Variants in JADE2 observed in about 807,000 individuals in gnomAD.
JADE2 encodes the protein jade family PHD finger 2.
A neutral mutation model predicts 85.7 loss-of-function variants in JADE2; 13 were observed. The observed-to-expected ratio is 0.15, with a 90% CI of 0.10 to 0.24. The LOEUF is 0.24. Ranked by LOEUF, JADE2 falls within the 10% of genes least tolerant of loss-of-function variation. JADE2 has a pLI of 1.00. For missense variants in JADE2, 846 were observed against 1,115.9 expected (o/e 0.76, Z 3.45); for synonymous variants, 440 against 456.1 (o/e 0.96, Z 0.45).
At chr5:134,573,114 C>T (rs557885848) in intron 9 of JADE2, among the ~76,000 whole-genome samples, 16 of 152,362 alleles carry the variant, frequency 1.1e-4, no homozygotes, top group African/African-American at 2.4e-4. Context: ...CTGCAAGTAC[C>T]GGGGCCATTT....
At chr5:134,531,485 C>T (rs915001498) in intron 1 of JADE2, among the ~76,000 whole-genome samples, 28 of 152,114 alleles carry the variant, frequency 1.8e-4, no homozygotes, top group African/African-American at 6.8e-4. Flanking sequence ...CTGTGTTGCC[C>T]GGGCTTGCCT....
chr5:134,579,205 C>G lies in JADE2; in HGVS notation c.2393C>G (p.Ser798Cys), dbSNP rs1764576891. Residue 798 changes from serine to cysteine, a missense_variant, in exon 12 of 12, where the codon TCT becomes TGT. Ser to Cys is a moderately radical substitution (Grantham distance 112). Coordinates refer to ENST00000681547, the MANE Select transcript of JADE2 (RefSeq NM_001388185.1). This position sits in a 1 kb window ranked among gnomAD's most constrained non-coding sequence, Gnocchi z 4.6. ...HFDTETDGYF[S>C]DGEMSDSDVE... ...GACACTGAGACTGATGGCTACTTCT[C>G]TGATGGGGAGATGAGCGACTCAGAT... 2.5e-6 allele frequency: 4 copies of G among 1,614,230 alleles called. No homozygotes were observed. The highest frequency in any genetic ancestry group is 3.4e-6 in the Non-Finnish European group (4 of 1,180,042).
At chr5:134,573,968 G>A in intron 10 of JADE2, 1 of 650,520 alleles carries the variant, frequency 1.5e-6, no homozygotes, top group Non-Finnish European at 2.8e-6. Flanking sequence ...ACTAGGCAGA[G>A]AGCCAGAGGT....
In JADE2 at chr5:134,579,716, C is replaced by T. The variant is rs931165231; in HGVS notation, c.*399C>T. On this transcript the variant is annotated 3_prime_UTR_variant, in exon 12 of 12. Transcript: ENST00000681547. This position sits in a 1 kb window ranked among gnomAD's most constrained non-coding sequence, Gnocchi z 4.6. ...AGATGGGCCAGTCCAGGGCCTACCC[C>T]GCCTTGCCCCCAGATCCCACTGGGG... 3.2e-5 allele frequency: 6 copies of T among 185,284 alleles called. No individual in the cohort carries two copies. Among genetic ancestry groups the T allele is most frequent in the East Asian group, 1.4e-4 (1 of 7,304 alleles). 11.5% of individuals were successfully genotyped at this position (185,284 alleles called of 1,614,324 possible).
At chr5:134,534,896 C>G (rs554384534) in intron 1 of JADE2, among the ~76,000 whole-genome samples, 1 of 152,218 alleles carries the variant, frequency 6.6e-6, no homozygotes, top group Non-Finnish European at 1.5e-5. Context: ...GCAGGCTCTG[C>G]CACCTGGGAC....
rs1464911520 is a variant in JADE2, at chr5:134,579,574, T to TGCCCA, written c.*258_*262dup. The TGCCCA allele has an allele frequency of 8.6e-6, 4 of 466,106 alleles. No individual in the cohort carries two copies. The highest frequency in any genetic ancestry group is 1.5e-5 in the Non-Finnish European group (4 of 261,180). The allele number at this position is 466,106 out of a possible 1,614,324, so 28.9% of individuals were successfully genotyped here. On this transcript the variant is annotated 3_prime_UTR_variant, in exon 12 of 12. Transcript: ENST00000681547. This position sits in a 1 kb window ranked among gnomAD's most constrained non-coding sequence, Gnocchi z 4.6. ...CAGGTCCCGCGCACCATCCCTGCCC[T>TGCCCA]GCCCACGTGGTATTGCTGGGCTCCT...
intron 4 of JADE2, 136 bp from the exon 5 acceptor site, chr5:134,559,694 G>T: frequency 1.3e-6 from 1 of 755,220 alleles, no homozygotes. Context: ...GGAGGGGGTG[G>T]AAGGAGGTGG....
rs762162472 is a variant in JADE2, at chr5:134,579,117, C to A, written c.2305C>A (p.Pro769Thr). Residue 769 changes from proline (P) to threonine (T), a missense_variant, in exon 12 of 12, where the codon CCT (proline) becomes ACT (threonine). Physicochemically the swap from Pro to Thr is conservative, Grantham distance 38 (BLOSUM62 -1). Transcript: ENST00000681547. The surrounding 1 kb of genome is among the most constrained non-coding windows in gnomAD (Gnocchi z 4.6). ...KVTRRLPGAR[P>T]DAGMGPPSAV... ...AACCCGGAGATTGCCGGGTGCCAGG[C>A]CTGATGCTGGGATGGGACCACCTTC... The A allele has an allele frequency of 2.5e-6, 4 of 1,614,056 alleles. No individual in the cohort carries two copies. In the Admixed American group the frequency reaches 6.7e-5, roughly 27 times the overall value.
chr5:134,528,435 G>T lies in JADE2; in HGVS notation c.-1+2424G>T, dbSNP rs181301810. On this transcript the variant is annotated intron_variant, in intron 1 of 11. Coordinates refer to ENST00000681547, the MANE Select transcript of JADE2 (RefSeq NM_001388185.1). ...CAGAGCCATCTAACAAGCAGAGGAG[G>T]AAAATAACAACAGAATAACTATAAG... 3.9e-5 allele frequency among the ~76,000 whole-genome samples: 6 copies of T among 152,240 alleles called. No homozygotes were observed. The East Asian group carries it at 1.2e-3, about 29-fold the overall frequency.
chr5:134,578,389 A>G lies in JADE2; in HGVS notation c.1682-105A>G, dbSNP rs911238057. Reference sequence around the variant, plus strand: ...TCACCTGGGTCTGGCACAGGGGGACAGAGAGAAGACGATGCCTGGTGGTGT... The same window carrying G: ...TCACCTGGGTCTGGCACAGGGGGACGGAGAGAAGACGATGCCTGGTGGTGT... On this transcript the variant is annotated intron_variant, in intron 11 of 11. Transcript: ENST00000681547. The surrounding 1 kb of genome is among the most constrained non-coding windows in gnomAD (Gnocchi z 4.4). The G allele has an allele frequency of 1.8e-5, 15 of 851,194 alleles. No individual in the cohort carries two copies. In the African/African-American group the frequency reaches 2.4e-4, roughly 13 times the overall value. The allele number at this position is 851,194 out of a possible 1,614,324, so 52.7% of individuals were successfully genotyped here.
At chr5:134,577,413 G>C (rs1206057330) in intron 11 of JADE2, among the ~76,000 whole-genome samples, 1 of 152,238 alleles carries the variant, frequency 6.6e-6, no homozygotes, top group East Asian at 1.9e-4. Context: ...AATGGGAGCA[G>C]TGTGACTCAT....
At chr5:134,536,045 C>T (rs558830665) in intron 2 of JADE2, 130 bp downstream of exon 2, 1 of 803,496 alleles carries the variant, frequency 1.2e-6, no homozygotes, top group East Asian at 2.6e-5. Flanking sequence ...AAGCATAAAT[C>T]AAGTCAGGTT....
intron 9 of JADE2, among the ~76,000 whole-genome samples, chr5:134,572,715 C>G (rs1463701027): frequency 1.3e-5 from 2 of 152,232 alleles, no homozygotes; most frequent in Non-Finnish European, 2.9e-5. Context: ...GAAGTGTGGC[C>G]TGCCCTGAGA....
Position 134,537,973 on chromosome 5 carries a change from T to C in JADE2, c.59-16T>C. The C allele has an allele frequency of 6.2e-7, 1 of 1,607,858 alleles. No homozygotes were observed. The highest frequency in any genetic ancestry group is 8.5e-7 in the Non-Finnish European group (1 of 1,174,484). On this transcript the variant is annotated splice_polypyrimidine_tract_variant and intron_variant, in intron 2 of 11. Transcript: ENST00000681547. The stretch of plus-strand genomic sequence containing the variant: ...TGGCCCTCCAGGACCCCTAATGGAC[T>C]GTTCTCTCTCTGCAGGTCATGCGAC...
At chr5:134,551,847 T>A (rs1762610167) in intron 3 of JADE2, among the ~76,000 whole-genome samples, 1 of 152,236 alleles carries the variant, frequency 6.6e-6, no homozygotes, top group South Asian at 2.1e-4. Flanking sequence ...TTAATCACAT[T>A]TATGGAACGT....
chr5:134,578,464 G>A lies in JADE2; in HGVS notation c.1682-30G>A. On this transcript the variant is annotated intron_variant, in intron 11 of 11. Transcript: ENST00000681547. The surrounding 1 kb of genome is among the most constrained non-coding windows in gnomAD (Gnocchi z 4.4). The stretch of plus-strand genomic sequence containing the variant: ...GAAAGGGTGGGACACACGTCTGCTG[G>A]CGTCTCACTTGCCTCCTCTCTCCCC... 2 of 1,506,478 alleles carry A rather than the reference G, an allele frequency of 1.3e-6. No individual in the cohort carries two copies. The highest frequency in any genetic ancestry group is 1.8e-6 in the Non-Finnish European group (2 of 1,107,462). The allele number at this position is 1,506,478 out of a possible 1,614,324, so 93.3% of individuals were successfully genotyped here.
chr5:134,571,146 G>GGCCTCT (rs1183484644), intron 9 of JADE2, among the ~76,000 whole-genome samples: 1 of 152,228 alleles, frequency 6.6e-6, no homozygotes, highest in Admixed American at 6.5e-5. Flanking sequence ...ACATCTGTCT[G>GGCCTCT]GCCTCTGCCT....
At position 134,580,784 on chromosome 5, in the gene JADE2, G is replaced by A. The variant is rs1485890075; in HGVS notation, c.*1467G>A. The A allele has an allele frequency of 6.6e-6, 1 of 152,444 alleles. No homozygotes were observed. The highest frequency in any genetic ancestry group is 1.5e-5 in the Non-Finnish European group (1 of 68,032). 9.4% of individuals were successfully genotyped at this position (152,444 alleles called of 1,614,324 possible). On this transcript the variant is annotated 3_prime_UTR_variant, in exon 12 of 12. Coordinates refer to ENST00000681547, the MANE Select transcript of JADE2 (RefSeq NM_001388185.1). ...TGGAGTTCTTTAGCAACAAAGTATA[G>A]AAACATGTTCATTGCACACACCCAA...
At chr5:134,550,033 G>T (rs1762511666) in intron 3 of JADE2, among the ~76,000 whole-genome samples, 1 of 152,252 alleles carries the variant, frequency 6.6e-6, no homozygotes, top group South Asian at 2.1e-4. Flanking sequence ...CTAAAAGCAC[G>T]CAGTGCCTGA....
Sources: gnomAD v4.1 joint callset for allele counts (sites outside exome capture counted in the v4.1 genomes callset) on GRCh38, gnomAD v4.1.1 for gene constraint, Gnocchi (gnomAD v3.1) non-coding constraint, MANE v1.5 for transcripts, NCBI Gene and HGNC (gene_info 2026-07-23, HGNC 2026-07-21) for gene names.